The following MMP28 variants were observed in gnomAD, a reference collection of about 807,000 sequenced individuals.
MMP28 encodes the protein matrix metalloproteinase-28.
In MMP28, 55 loss-of-function variants were observed where a neutral mutation model predicts 60.5. The ratio of observed to expected loss-of-function variants is 0.91; its 90% CI spans 0.73 to 1.14. The LOEUF is 1.14. MMP28 is among the 50% of genes most tolerant of loss of function. MMP28 has a pLI of 0.00. For missense variants in MMP28, 686 were observed against 738.3 expected (o/e 0.93, Z 0.82); for synonymous variants, 318 against 312.5 (o/e 1.02, Z -0.18).
intron 3 of MMP28, among the ~76,000 whole-genome samples, chr17:35,777,081 C>T (rs1695203132): frequency 6.6e-6 from 1 of 152,218 alleles, no homozygotes; most frequent in African/African-American, 2.4e-5. Context: ...TCACAACAAG[C>T]CCCTTCCACC....
rs1555606458 is a variant in MMP28 at position 35,773,295 on chromosome 17, G to C, written c.489C>G (p.Ser163Arg). 6 of 1,613,938 alleles carry C rather than the reference G, an allele frequency of 3.7e-6. No homozygotes were observed. The highest frequency in any genetic ancestry group is 1.3e-5 in the African/African-American group (1 of 75,080). ...CCCAGAACTCCAGCGCTGAGACGTT[G>C]CTCCACAACTGGAAGGCGGCGCGCA... ...GAVRAAFQLW[S>R]NVSALEFWEA... The change falls in exon 4 of 8, where the codon AGC becomes AGG. Residue 163 changes from serine (S) to arginine (R), a missense_variant. Coordinates refer to ENST00000605424, the MANE Select transcript of MMP28 (RefSeq NM_024302.5).
At chr17:35,774,315 G>A (rs1364688204) in intron 3 of MMP28, among the ~76,000 whole-genome samples, 2 of 152,140 alleles carry the variant, frequency 1.3e-5, no homozygotes, top group African/African-American at 4.8e-5. Flanking sequence ...CAGGGGCTGG[G>A]ATTGTAACCT....
rs117651561 is a variant in MMP28, at chr17:35,766,644, G to A, written c.1419C>T (p.Pro473=). The A allele has an allele frequency of 0.026, 42,284 of 1,612,082 alleles. 843 individuals carry two copies. The highest frequency in any genetic ancestry group is 0.13 in the East Asian group (5,648 of 44,798). Residue 473 remains proline (P), a synonymous_variant, in exon 8 of 8, where the codon CCC becomes CCT. Coordinates refer to ENST00000605424, the MANE Select transcript of MMP28 (RefSeq NM_024302.5). This position sits in a 1 kb window ranked among gnomAD's most constrained non-coding sequence, Gnocchi z 4.3. ...CTCGGAAGAAGATGATGGAGCCATC[G>A]GGCCTCGGCAGGGCGCCGCTGACCT... The part of the protein sequence containing the change: ...PEEVSGALPR[P]DGSIIFFRDD...
downstream of MMP28, chr17:35,764,719 G>C (rs587752891): frequency 8.4e-5 from 109 of 1,303,786 alleles, 2 homozygotes; most frequent in South Asian, 1.6e-3. Context: ...GACGCATTCC[G>C]CAGGACCGCC....
At chr17:35,794,001 G>A (rs966293719) in intron 1 of MMP28, among the ~76,000 whole-genome samples, 2 of 151,916 alleles carry the variant, frequency 1.3e-5, no homozygotes, top group Non-Finnish European at 2.9e-5. Context: ...GGGAGGCTGA[G>A]GCAGGAGAAT....
At chr17:35,777,116 T>C (rs900582450) in intron 3 of MMP28, among the ~76,000 whole-genome samples, 4 of 152,170 alleles carry the variant, frequency 2.6e-5, no homozygotes, top group Non-Finnish European at 5.9e-5. Context: ...CATCTCTCCT[T>C]TGCAACCTGG....
Position 35,795,384 on chromosome 17 carries a change from G to A in MMP28, c.-7C>T. The A allele has an allele frequency of 2.1e-6, 3 of 1,427,484 alleles. No individual in the cohort carries two copies. The highest frequency in any genetic ancestry group is 1.5e-5 in the African/African-American group (1 of 67,430). 88.4% of individuals were successfully genotyped at this position (1,427,484 alleles called of 1,614,324 possible). A position where few individuals can be genotyped will look rare whatever the true frequency, so the allele number is the denominator to read the frequency against. ...GGCCGACGCGCGCGACCATCTCGCCGCCTCCGGTGCAGCCCGGCTCGGGGA... is the reference window on the plus strand; with the variant it reads ...GGCCGACGCGCGCGACCATCTCGCCACCTCCGGTGCAGCCCGGCTCGGGGA... On this transcript the variant is annotated 5_prime_UTR_variant, in exon 1 of 8. Transcript: ENST00000605424.
intron 1 of MMP28, among the ~76,000 whole-genome samples, chr17:35,780,928 C>G (rs1489894976): frequency 6.6e-6 from 1 of 151,862 alleles, no homozygotes; most frequent in African/African-American, 2.4e-5. Context: ...TTTAAAGAAA[C>G]TTCACATCGG....
chr17:35,791,966 C>T (rs578175997), intron 1 of MMP28, among the ~76,000 whole-genome samples: 17 of 152,204 alleles, frequency 1.1e-4, no homozygotes, highest in African/African-American at 3.1e-4. Context: ...CAGCCCTGAA[C>T]GCTGAGCTTT....
At chr17:35,756,272 C>T (rs182362390) in exon 3 of MMP28, 2 of 372,466 alleles carry the variant, frequency 5.4e-6, no homozygotes, top group East Asian at 1.6e-4. Context: ...ATGTTTATTT[C>T]CCTCTCTTAG....
downstream of MMP28, chr17:35,764,330 C>T: frequency 6.8e-7 from 1 of 1,468,038 alleles, no homozygotes; most frequent in Non-Finnish European, 9.0e-7. Flanking sequence ...CGACAGGTGC[C>T]TGCGCGCTCC....
intron 1 of MMP28, among the ~76,000 whole-genome samples, chr17:35,781,332 G>C (rs951608053): frequency 6.6e-6 from 1 of 152,196 alleles, no homozygotes; most frequent in Non-Finnish European, 1.5e-5. Context: ...ATGGGGGTGC[G>C]TGGGTTTAAG....
chr17:35,783,179 G>A (rs1555609795), intron 1 of MMP28, among the ~76,000 whole-genome samples: 1 of 152,194 alleles, frequency 6.6e-6, no homozygotes, highest in Admixed American at 6.5e-5. Context: ...TATCCACAAA[G>A]TGAGAATAAG....
intron 1 of MMP28, among the ~76,000 whole-genome samples, chr17:35,786,049 CCTT>C (rs1448140398): frequency 6.7e-6 from 1 of 149,718 alleles, no homozygotes. Context: ...GTAGTACTCA[CCTT>C]CTTGTTTTTT....
chr17:35,787,276 C>G (rs770447024), intron 1 of MMP28, among the ~76,000 whole-genome samples: 4 of 152,112 alleles, frequency 2.6e-5, no homozygotes, highest in Non-Finnish European at 5.9e-5. Flanking sequence ...CAGAGGCATT[C>G]GACAGGACTG....
rs2085952176 is a variant in MMP28 at position 35,766,728 on chromosome 17, T to C, written c.1335A>G (p.Gly445=). The part of the protein sequence containing the change: ...GARYYVLARG[G]LQVEPYYPRS... Reference sequence around the variant, plus strand: ...GGGGGTAGTAGGGCTCCACTTGCAGTCCCCCTCGGGCCAGCACGTAGTAGC... The same window carrying C: ...GGGGGTAGTAGGGCTCCACTTGCAGCCCCCCTCGGGCCAGCACGTAGTAGC... The change falls in exon 8 of 8, where the codon GGA becomes GGG. Residue 445 remains glycine (G), a synonymous_variant. Coordinates refer to ENST00000605424, the MANE Select transcript of MMP28 (RefSeq NM_024302.5). This position sits in a 1 kb window ranked among gnomAD's most constrained non-coding sequence, Gnocchi z 4.3. 4 of 1,595,418 alleles carry C rather than the reference T, an allele frequency of 2.5e-6. No homozygotes were observed. The highest frequency in any genetic ancestry group is 3.4e-6 in the Non-Finnish European group (4 of 1,171,720).
downstream of MMP28, chr17:35,761,012 G>A: frequency 3.2e-6 from 5 of 1,566,118 alleles, no homozygotes; most frequent in Non-Finnish European, 4.3e-6. Context: ...ACCCTAGCTT[G>A]GACAATCCAG....
rs373546365 is a variant in MMP28, at chr17:35,767,854, C to T, written c.1066G>A (p.Val356Ile). Residue 356 changes from valine (V) to isoleucine (I), a missense_variant, in exon 7 of 8, where the codon GTC becomes ATC. Val to Ile is a conservative substitution (Grantham distance 29). Transcript: ENST00000605424. ...TCCTGCAGTGGACGGGGCTCTGAGA[C>T]GTTGCCATCAGCTGCCACCTCCCAG... ...HFWEVAADGN[V>I]SEPRPLQERW... The T allele has an allele frequency of 1.4e-5, 22 of 1,610,332 alleles. No individual in the cohort carries two copies. Among genetic ancestry groups the T allele is most frequent in the South Asian group, 3.3e-5 (3 of 90,550 alleles).
At chr17:35,769,763 G>A (rs1417801496) in intron 5 of MMP28, among the ~76,000 whole-genome samples, 1 of 151,914 alleles carries the variant, frequency 6.6e-6, no homozygotes, top group East Asian at 1.9e-4. Flanking sequence ...CGGGAGCTGC[G>A]GGGGCTGGGG....
Sources: allele counts gnomAD v4.1 joint callset (sites outside exome capture counted in the v4.1 genomes callset), GRCh38; gene constraint gnomAD v4.1.1; non-coding constraint Gnocchi (gnomAD v3.1); transcripts MANE v1.5; gene names NCBI Gene and HGNC (gene_info 2026-07-23, HGNC 2026-07-21).